MMD2: variants seen among roughly 807,000 people sequenced by gnomAD.
The protein encoded by MMD2 is monocyte to macrophage differentiation factor 2.
MMD2 carries 30 observed loss-of-function variants against 33.5 expected under a neutral mutation model. The ratio of observed to expected loss-of-function variants is 0.90; its 90% confidence interval spans 0.67 to 1.22. The LOEUF (loss-of-function observed/expected upper bound fraction) is 1.22, where lower values mean the gene tolerates loss of function less well. MMD2 is among the 50% of genes most tolerant of loss of function. The pLI, the probability that MMD2 is intolerant of heterozygous loss-of-function variation, is 0.00. For synonymous variants in MMD2, 129 were observed against 123.0 expected, an observed-to-expected ratio of 1.05 and a Z score of -0.32; for missense variants, 364 against 325.4, an observed-to-expected ratio of 1.12 and a Z score of -0.91.
intron 1 of MMD2, among the ~76,000 whole-genome samples, chr7:4,958,487 A>G (rs1786449682): frequency 6.6e-6 from 1 of 152,130 alleles, no homozygotes; most frequent in South Asian, 2.1e-4. Context: ...CAGTTTCTCC[A>G]TCTGAAAAGA....
the MMD2 span, among the ~76,000 whole-genome samples, chr7:4,896,481 A>G: frequency 6.6e-6 from 1 of 152,142 alleles, no homozygotes; most frequent in Non-Finnish European, 1.5e-5. Flanking sequence ...CTCTGTCGCA[A>G]AAAAATTAAA....
chr7:4,921,739 G>C (rs953219003), intron 2 of MMD2, among the ~76,000 whole-genome samples: 1 of 151,986 alleles, frequency 6.6e-6, no homozygotes, highest in African/African-American at 2.4e-5. Context: ...CCAAAGGAAA[G>C]AGGTATCCCG....
At chr7:4,927,844 T>C (rs1785473284) in intron 1 of MMD2, among the ~76,000 whole-genome samples, 1 of 152,152 alleles carries the variant, frequency 6.6e-6, no homozygotes, top group South Asian at 2.1e-4. Flanking sequence ...ATTTTACAGA[T>C]GGAGAAGCTA....
downstream of MMD2, among the ~76,000 whole-genome samples, chr7:4,905,398 G>A (rs1785462000): frequency 6.7e-6 from 1 of 149,222 alleles, no homozygotes; most frequent in Admixed American, 6.7e-5. The surrounding 1 kb of genome is among the most constrained non-coding windows in gnomAD (Gnocchi z 5.0). Flanking sequence ...GGAAAAGGAG[G>A]AGGAAGTGGA....
intron 2 of MMD2, among the ~76,000 whole-genome samples, chr7:4,921,777 G>A (rs10951718): frequency 0.14 from 21,640 of 152,024 alleles, 1,922 homozygotes; most frequent in East Asian, 0.37. Flanking sequence ...CAGGCTGGGC[G>A]CCGGATGGGG....
At chr7:4,924,331 C>G (rs1785367330) in intron 2 of MMD2, among the ~76,000 whole-genome samples, 1 of 152,252 alleles carries the variant, frequency 6.6e-6, no homozygotes, top group Non-Finnish European at 1.5e-5. Context: ...TGGGCTCAGG[C>G]CAAACACACA....
the MMD2 span, among the ~76,000 whole-genome samples, chr7:4,897,179 C>A: frequency 7.0e-6 from 1 of 141,954 alleles, no homozygotes; most frequent in Non-Finnish European, 1.5e-5. Flanking sequence ...CCATTTTCTA[C>A]AGTGAACAGA....
chr7:4,901,163 G>A (rs1299792296), downstream of MMD2, among the ~76,000 whole-genome samples: 11 of 148,672 alleles, frequency 7.4e-5, no homozygotes, highest in South Asian at 2.1e-4. Flanking sequence ...GATATAGGCC[G>A]GGTGTGGTGG....
chr7:4,904,140 C>A (rs536465237), downstream of MMD2, among the ~76,000 whole-genome samples: 432 of 152,272 alleles, frequency 2.8e-3, 3 homozygotes, highest in African/African-American at 9.8e-3. Flanking sequence ...ACCACGTTGG[C>A]CAGGCTGGTC....
At chr7:4,924,023 T>A (rs1236305249) in intron 2 of MMD2, among the ~76,000 whole-genome samples, 2 of 152,020 alleles carry the variant, frequency 1.3e-5, no homozygotes, top group African/African-American at 4.8e-5. Flanking sequence ...AAACCCCGTC[T>A]CTACTAAAAA....
rs1046513214 is a variant in MMD2 at position 4,946,635 on chromosome 7, G to T, written c.47+12336C>A. Among the ~76,000 whole-genome samples, 2 of 152,192 alleles carry T rather than the reference G, an allele frequency of 1.3e-5. No individual in the cohort carries two copies. The highest frequency in any genetic ancestry group is 4.8e-5 in the African/African-American group (2 of 41,454). On this transcript the variant is annotated intron_variant, in intron 1 of 6. Transcript: ENST00000401401. The surrounding 1 kb of genome is among the most constrained non-coding windows in gnomAD (Gnocchi z 5.0). ...CTCTCATCCCAGGGGTTACCTTAGAGCCCTCATGGATCAACCTAGCACCAC... is the reference window on the plus strand; with the variant it reads ...CTCTCATCCCAGGGGTTACCTTAGATCCCTCATGGATCAACCTAGCACCAC...
chr7:4,898,001 G>T, the MMD2 span, among the ~76,000 whole-genome samples: 1 of 152,174 alleles, frequency 6.6e-6, no homozygotes. Context: ...GCCTCCCAAA[G>T]TGCTGGGATT....
chr7:4,947,792 C>T (rs1001163875), intron 1 of MMD2, among the ~76,000 whole-genome samples: 1 of 148,036 alleles, frequency 6.8e-6, no homozygotes, highest in African/African-American at 2.5e-5. Context: ...CTCCACCTCC[C>T]GGGTTCAAGC....
intron 1 of MMD2, among the ~76,000 whole-genome samples, chr7:4,956,500 T>C (rs1447297949): frequency 6.6e-6 from 1 of 151,922 alleles, no homozygotes; most frequent in Non-Finnish European, 1.5e-5. Flanking sequence ...TTGTAAAGAC[T>C]GCACAACGAG....
Position 4,959,145 on chromosome 7 carries a change from CCCGGAGCCGGAG to C in MMD2, c.-140_-129del, listed in dbSNP as rs1000594843. On this transcript the variant is annotated 5_prime_UTR_variant, in exon 1 of 7. Coordinates refer to ENST00000401401, the MANE Select transcript of MMD2 (RefSeq NM_198403.4). ...GGGGGCCAAGGGGACCTGGTCGGCG[CCCGGAGCCGGAG>C]CCGGAGCCCGAGCCGGAGCTGGAGG... The C allele has an allele frequency of 8.1e-6, 6 of 738,256 alleles. No individual in the cohort carries two copies. Among genetic ancestry groups the C allele is most frequent in the African/African-American group, 1.9e-5 (1 of 53,028 alleles). 45.7% of individuals were successfully genotyped at this position (738,256 alleles called of 1,614,324 possible).
Position 4,906,718 on chromosome 7 carries a change from T to G in MMD2, c.*678A>C, listed in dbSNP as rs1383677861. 1.0e-5 allele frequency: 4 copies of G among 395,796 alleles called. No individual in the cohort carries two copies. Among genetic ancestry groups the G allele is most frequent in the African/African-American group, 4.1e-5 (2 of 48,572 alleles). 24.5% of individuals were successfully genotyped at this position (395,796 alleles called of 1,614,324 possible). The stretch of plus-strand genomic sequence containing the variant: ...GGAGGGGGAGATGAGGAGATAGGCA[T>G]GCAAATGCCCATTTGGAGATTTTCA... On this transcript the variant is annotated 3_prime_UTR_variant, in exon 7 of 7. Transcript: ENST00000401401.
intron 3 of MMD2, among the ~76,000 whole-genome samples, chr7:4,919,014 G>A (rs1391637213): frequency 2.6e-5 from 4 of 151,968 alleles, no homozygotes; most frequent in East Asian, 1.9e-4. Flanking sequence ...TAAGAGGATC[G>A]CTTGAGCCCT....
intron 5 of MMD2, among the ~76,000 whole-genome samples, chr7:4,910,441 C>T (rs1311204113): frequency 6.6e-6 from 1 of 152,042 alleles, no homozygotes; most frequent in Non-Finnish European, 1.5e-5. Flanking sequence ...TTGCTTGTAT[C>T]GTCCTGTTTC....
chr7:4,898,067 C>T, the MMD2 span, among the ~76,000 whole-genome samples: 5 of 152,224 alleles, frequency 3.3e-5, no homozygotes, highest in East Asian at 9.7e-4. Context: ...CTAAACCCTC[C>T]TGACCTAATG....
Sources: gnomAD v4.1 joint callset for allele counts (sites outside exome capture counted in the v4.1 genomes callset) on GRCh38, gnomAD v4.1.1 for gene constraint, Gnocchi (gnomAD v3.1) non-coding constraint, MANE v1.5 for transcripts, NCBI Gene and HGNC (gene_info 2026-07-23, HGNC 2026-07-21) for gene names.